Variants in GJA1 observed in about 807,000 individuals in gnomAD.
The protein encoded by GJA1 is gap junction alpha-1 protein.
Under a neutral mutation model 31.0 loss-of-function variants are expected in GJA1, and 9 were observed. That is an observed-to-expected ratio of 0.29 (90% confidence interval 0.17 to 0.51). GJA1 has a LOEUF of 0.51. Ranked by LOEUF, GJA1 falls within the 20% of genes least tolerant of loss-of-function variation. GJA1 has a pLI of 0.98. For synonymous variants in GJA1, 186 were observed against 180.1 expected, an observed-to-expected ratio of 1.03 and a Z score of -0.26; for missense variants, 278 against 468.8, an observed-to-expected ratio of 0.59 and a Z score of 3.76.
At chr6:121,440,589 GA>G (rs1358551994) in intron 1 of GJA1, among the ~76,000 whole-genome samples, 1 of 149,406 alleles carries the variant, frequency 6.7e-6, no homozygotes, top group Non-Finnish European at 1.5e-5. Flanking sequence ...TGAAACTTTA[GA>G]AATTTGAGAT....
chr6:121,440,416 C>A (rs975999163), intron 1 of GJA1, among the ~76,000 whole-genome samples: 1 of 151,916 alleles, frequency 6.6e-6, no homozygotes, highest in East Asian at 1.9e-4. Context: ...TGCAAAGAGC[C>A]TTTTTTCTTA....
At chr6:121,438,113 C>T (rs769843285) in intron 1 of GJA1, among the ~76,000 whole-genome samples, 3 of 152,182 alleles carry the variant, frequency 2.0e-5, no homozygotes, top group Non-Finnish European at 4.4e-5. Context: ...CAGTACATTC[C>T]ATTCCGTCCT....
In GJA1 at chr6:121,447,354, C is replaced by A; in HGVS notation, c.507C>A (p.Phe169Leu). The A allele has an allele frequency of 6.2e-7, 1 of 1,614,108 alleles. No individual in the cohort carries two copies. Among genetic ancestry groups the A allele is most frequent in the Non-Finnish European group, 8.5e-7 (1 of 1,180,014 alleles). ...ILFKSIFEVA[F>L]LLIQWYIYGF... ...TCAAGTCTATCTTTGAGGTGGCCTTCTTGCTGATCCAGTGGTACATCTATG... is the reference window on the plus strand; with the variant it reads ...TCAAGTCTATCTTTGAGGTGGCCTTATTGCTGATCCAGTGGTACATCTATG... The change falls in exon 2 of 2, where the codon TTC becomes TTA. Residue 169 changes from phenylalanine to leucine, a missense_variant. Physicochemically the swap from Phe to Leu is conservative, Grantham distance 22. Transcript: ENST00000282561.
At chr6:121,441,952 G>A (rs1159712856) in intron 1 of GJA1, among the ~76,000 whole-genome samples, 1 of 152,136 alleles carries the variant, frequency 6.6e-6, no homozygotes, top group African/African-American at 2.4e-5. Flanking sequence ...TTGAGTTTTT[G>A]GGCATGAATA....
intron 1 of GJA1, among the ~76,000 whole-genome samples, chr6:121,441,733 C>T (rs1367685179): frequency 2.0e-5 from 3 of 152,016 alleles, no homozygotes; most frequent in African/African-American, 7.2e-5. Context: ...TTTGTTTTCT[C>T]AAGATTGACT....
chr6:121,444,010 C>G lies in GJA1; in HGVS notation c.-16-2822C>G, dbSNP rs184080248. ...ATATAGCTCCAAAGATTCTGTTTGT[C>G]TGACCCTCATGGACTATACTTCTTC... On this transcript the variant is annotated intron_variant, in intron 1 of 1. Transcript: ENST00000282561. Among the ~76,000 whole-genome samples, 3 of 152,288 alleles carry G rather than the reference C, an allele frequency of 2.0e-5. No homozygotes were observed. The East Asian group carries it at 5.8e-4, about 29-fold the overall frequency.
intron 1 of GJA1, among the ~76,000 whole-genome samples, chr6:121,438,089 A>G (rs1210361731): frequency 6.6e-6 from 1 of 152,200 alleles, no homozygotes; most frequent in Non-Finnish European, 1.5e-5. Flanking sequence ...ACTGGAAATT[A>G]TACCAAGCAA....
chr6:121,446,741 G>T (rs1252991251), intron 1 of GJA1, 91 bp from the exon 2 acceptor site: 2 of 863,924 alleles, frequency 2.3e-6, no homozygotes, highest in Non-Finnish European at 4.0e-6. Flanking sequence ...GAAACCGTTG[G>T]TAGTATTTTG....
At chr6:121,445,807 G>C (rs1332529367) in intron 1 of GJA1, among the ~76,000 whole-genome samples, 1 of 152,074 alleles carries the variant, frequency 6.6e-6, no homozygotes, top group African/African-American at 2.4e-5. Context: ...TGGACAGAAG[G>C]CTGACTTCTG....
At chr6:121,440,451 A>G (rs1225948523) in intron 1 of GJA1, among the ~76,000 whole-genome samples, 1 of 152,096 alleles carries the variant, frequency 6.6e-6, no homozygotes, top group Non-Finnish European at 1.5e-5. Context: ...CCTGCTCAGG[A>G]ATCATTTGAA....
At chr6:121,443,767 A>T (rs1773837730) in intron 1 of GJA1, among the ~76,000 whole-genome samples, 1 of 152,146 alleles carries the variant, frequency 6.6e-6, no homozygotes, top group African/African-American at 2.4e-5. Context: ...GCCTGGTCAT[A>T]TTTCTAGATA....
intron 1 of GJA1, among the ~76,000 whole-genome samples, chr6:121,444,324 T>TA (rs1252401631): frequency 1.3e-5 from 2 of 152,186 alleles, no homozygotes; most frequent in Non-Finnish European, 2.9e-5. Context: ...GGGGGAGTGT[T>TA]ATTTCTGTGG....
At position 121,448,275 on chromosome 6, in the gene GJA1, A is replaced by G. The variant is rs1337830824; in HGVS notation, c.*279A>G. On this transcript the variant is annotated 3_prime_UTR_variant, in exon 2 of 2. Coordinates refer to ENST00000282561, the MANE Select transcript of GJA1 (RefSeq NM_000165.5). ...AAATAAGAGTTCCATTAGGTGATAC[A>G]TAGATAAGGGCTTTTTCTCCCCGCA... is the stretch of plus-strand genomic sequence containing the variant. The G allele has an allele frequency of 1.4e-5, 7 of 497,342 alleles. No homozygotes were observed. In the East Asian group the frequency reaches 2.3e-4, roughly 17 times the overall value. 30.8% of individuals were successfully genotyped at this position (497,342 alleles called of 1,614,324 possible).
chr6:121,445,499 G>C lies in GJA1; in HGVS notation c.-16-1333G>C, dbSNP rs529953577. 3.7e-4 allele frequency among the ~76,000 whole-genome samples: 56 copies of C among 152,304 alleles called. 1 individual carries two copies. Among genetic ancestry groups the C allele is most frequent in the Middle Eastern group, 3.4e-3 (1 of 294 alleles). ...ATGGAGAAGGCGTGGACTTTAGATA[G>C]CTAGATATTGATAAGAAGTTAAATG... On this transcript the variant is annotated intron_variant, in intron 1 of 1. Transcript: ENST00000282561.
chr6:121,436,184 T>TGGGGG (rs11333433), intron 1 of GJA1, among the ~76,000 whole-genome samples: 58 of 29,860 alleles, frequency 1.9e-3, no homozygotes, highest in South Asian at 8.3e-3. Context: ...ATTTGTTGGG[T>TGGGGG]GGGGGGGGGG....
intron 1 of GJA1, among the ~76,000 whole-genome samples, chr6:121,442,278 T>C (rs1277454504): frequency 1.3e-5 from 2 of 152,224 alleles, no homozygotes; most frequent in Non-Finnish European, 2.9e-5. Flanking sequence ...CTAATAACTA[T>C]TAGTATATTA....
chr6:121,440,949 G>A (rs1413102380), intron 1 of GJA1, among the ~76,000 whole-genome samples: 4 of 145,348 alleles, frequency 2.8e-5, no homozygotes, highest in Non-Finnish European at 6.0e-5. Flanking sequence ...GTTGTTTGTC[G>A]TTTTTTTCTT....
chr6:121,440,251 C>T (rs1364338460), intron 1 of GJA1, among the ~76,000 whole-genome samples: 1 of 151,988 alleles, frequency 6.6e-6, no homozygotes, highest in Non-Finnish European at 1.5e-5. Context: ...CTGCAACAAC[C>T]TAACAGTGAA....
At chr6:121,443,696 C>G (rs2114278442) in intron 1 of GJA1, among the ~76,000 whole-genome samples, 1 of 152,246 alleles carries the variant, frequency 6.6e-6, no homozygotes, top group African/African-American at 2.4e-5. Context: ...CTATAAGCAT[C>G]TACACAATCA....
Sources: gnomAD v4.1 joint callset for allele counts (sites outside exome capture counted in the v4.1 genomes callset) on GRCh38, gnomAD v4.1.1 for gene constraint, MANE v1.5 for transcripts, NCBI Gene and HGNC (gene_info 2026-07-23, HGNC 2026-07-21) for gene names.